TOP1MT: variants seen among roughly 807,000 people sequenced by gnomAD.
TOP1MT encodes DNA topoisomerase I mitochondrial, also known as DNA topoisomerase I, mitochondrial.
In TOP1MT, 80 loss-of-function variants were observed where a neutral mutation model predicts 73.9. The observed-to-expected ratio is 1.08, with a 90% CI of 0.90 to 1.30. The LOEUF (loss-of-function observed/expected upper bound fraction) is 1.30, where lower values mean the gene tolerates loss of function less well. TOP1MT is among the 50% of genes most tolerant of loss of function. The probability of loss-of-function intolerance (pLI) is 0.00; values close to 1 mark genes in which losing one functional copy is unlikely to be tolerated. For missense variants in TOP1MT, 815 were observed against 808.0 expected, an observed-to-expected ratio of 1.01 and a Z score of -0.10; for synonymous variants, 338 against 326.4, an observed-to-expected ratio of 1.04 and a Z score of -0.38.
At chr8:143,329,266 G>T in intron 3 of TOP1MT, 84 bp downstream of exon 3, 1 of 1,432,972 alleles carries the variant, frequency 7.0e-7, no homozygotes. Context: ...ACTTGCGAGG[G>T]GCGTTCAGAG....
At chr8:143,311,793 T>A (rs1586746627) in intron 12 of TOP1MT, among the ~76,000 whole-genome samples, 1 of 146,850 alleles carries the variant, frequency 6.8e-6, no homozygotes, top group Non-Finnish European at 1.5e-5. Context: ...GAGGAATGAA[T>A]GAAAGAGGGA....
intron 10 of TOP1MT, among the ~76,000 whole-genome samples, chr8:143,317,421 AC>A (rs1226699204): frequency 1.3e-5 from 2 of 152,156 alleles, no homozygotes; most frequent in Non-Finnish European, 2.9e-5. Flanking sequence ...TCAAGAAAGA[AC>A]CCTGAGGAGG....
At chr8:143,354,724 A>G (rs1209374802) in intron 1 of TOP1MT, among the ~76,000 whole-genome samples, 1 of 152,124 alleles carries the variant, frequency 6.6e-6, no homozygotes, top group Non-Finnish European at 1.5e-5. Flanking sequence ...AAAAAAAAAA[A>G]AGAAAAACTT....
At chr8:143,343,642 G>T (rs565481054) in intron 1 of TOP1MT, 1 of 163,484 alleles carries the variant, frequency 6.1e-6, no homozygotes, top group Admixed American at 6.0e-5. Context: ...GCAGTTCAGA[G>T]ATCATCAATT....
upstream of TOP1MT, among the ~76,000 whole-genome samples, chr8:143,358,979 A>G (rs1234576166): frequency 3.3e-5 from 5 of 151,552 alleles, no homozygotes; most frequent in South Asian, 8.3e-4. Context: ...TTAAATCACT[A>G]TTAAGTAAAG....
chr8:143,330,313 G>A (rs903167745), intron 2 of TOP1MT, among the ~76,000 whole-genome samples: 2 of 152,216 alleles, frequency 1.3e-5, no homozygotes, highest in African/African-American at 2.4e-5. Flanking sequence ...CTCCTGGCCA[G>A]GGAGGTCCTG....
At chr8:143,349,732 G>A (rs757964037), upstream of TOP1MT, among the ~76,000 whole-genome samples, 2 of 151,034 alleles carry the variant, frequency 1.3e-5, no homozygotes, top group Non-Finnish European at 2.9e-5. Context: ...CCTCTGCCTC[G>A]TGGGTTCAAG....
At chr8:143,318,116 C>T in intron 8 of TOP1MT, 30 bp from the exon 9 acceptor site, 1 of 1,608,182 alleles carries the variant, frequency 6.2e-7, no homozygotes, top group Non-Finnish European at 8.5e-7. Flanking sequence ...TTTCAGAGGA[C>T]AGAAAAAACC....
chr8:143,317,640 TCAA>T (rs1163851113), intron 10 of TOP1MT, 80 bp downstream of exon 10: 3 of 1,297,702 alleles, frequency 2.3e-6, no homozygotes, highest in Non-Finnish European at 3.3e-6. Context: ...CGAGGCTCAC[TCAA>T]CAAGGGCCAG....
chr8:143,326,467 G>A, intron 3 of TOP1MT, 123 bp from the exon 4 acceptor site: 1 of 1,314,704 alleles, frequency 7.6e-7, no homozygotes, highest in Non-Finnish European at 1.1e-6. Flanking sequence ...GTGTGCAATA[G>A]GCAGAACCTG....
chr8:143,321,624 CGCCACACACAG>C lies in TOP1MT; in HGVS notation c.961-249_961-239del, dbSNP rs1474673165. On this transcript the variant is annotated intron_variant, in intron 7 of 13. Coordinates refer to ENST00000329245, the MANE Select transcript of TOP1MT (RefSeq NM_052963.3). The stretch of plus-strand genomic sequence containing the variant: ...GCCACACGCACGCACGCCACACGCA[CGCCACACACAG>C]GCACGCCACACACAGGCACGCCACA... Among the ~76,000 whole-genome samples, 263 of 59,580 alleles carry C rather than the reference CGCCACACACAG, an allele frequency of 4.4e-3. 2 individuals are homozygous for C. Among genetic ancestry groups the C allele is most frequent in the South Asian group, 9.7e-3 (10 of 1,034 alleles). The allele number at this position is 59,580 out of a possible 152,430, so 39.1% of individuals were successfully genotyped here. A position where few individuals can be genotyped will look rare whatever the true frequency, so the allele number is the denominator to read the frequency against.
chr8:143,330,277 A>G (rs1816817199), intron 2 of TOP1MT, among the ~76,000 whole-genome samples: 1 of 152,170 alleles, frequency 6.6e-6, no homozygotes, highest in Non-Finnish European at 1.5e-5. Flanking sequence ...ATGGCCCTGC[A>G]TAAGCAGTCC....
chr8:143,335,824 G>A (rs1373619077), upstream of TOP1MT, among the ~76,000 whole-genome samples: 2 of 152,256 alleles, frequency 1.3e-5, no homozygotes, highest in Non-Finnish European at 2.9e-5. Flanking sequence ...ACCCTCCCCT[G>A]CCACCAACTG....
At chr8:143,315,631 G>T in intron 12 of TOP1MT, 96 bp downstream of exon 12, 1 of 873,592 alleles carries the variant, frequency 1.1e-6, no homozygotes, top group Non-Finnish European at 1.8e-6. Context: ...CGCACAAGGA[G>T]ACAACAAGGG....
intron 7 of TOP1MT, among the ~76,000 whole-genome samples, chr8:143,321,743 CACGCACGCCACAA>C (rs1355335679): frequency 2.2e-5 from 3 of 138,024 alleles, no homozygotes; most frequent in Non-Finnish European, 3.1e-5. Flanking sequence ...GTACGCCACA[CACGCACGCCACAA>C]ACACAGGCAC....
intron 1 of TOP1MT, among the ~76,000 whole-genome samples, chr8:143,353,493 T>G (rs1358031156): frequency 6.6e-6 from 1 of 151,080 alleles, no homozygotes; most frequent in East Asian, 1.9e-4. Flanking sequence ...GATAAACACA[T>G]GAAAAGATGC....
chr8:143,323,409 C>CACAT (rs1816590483), intron 7 of TOP1MT, among the ~76,000 whole-genome samples: 1 of 126,786 alleles, frequency 7.9e-6, no homozygotes, highest in Non-Finnish European at 1.6e-5. Flanking sequence ...ACGCCACACA[C>CACAT]GCACGCCACA....
At chr8:143,338,628 A>G (rs1351074432), upstream of TOP1MT, among the ~76,000 whole-genome samples, 1 of 152,244 alleles carries the variant, frequency 6.6e-6, no homozygotes, top group African/African-American at 2.4e-5. Context: ...CATTTCTCCA[A>G]AGATGAGATA....
chr8:143,327,790 C>T (rs370300180), intron 3 of TOP1MT: 25 of 434,558 alleles, frequency 5.8e-5, no homozygotes, highest in South Asian at 4.1e-4. Flanking sequence ...AGAAGCGGAG[C>T]CTGCACAGGG....
Sources: allele counts gnomAD v4.1 joint callset (sites outside exome capture counted in the v4.1 genomes callset), GRCh38; gene constraint gnomAD v4.1.1; transcripts MANE v1.5; gene names NCBI Gene and HGNC (gene_info 2026-07-23, HGNC 2026-07-21).